Variants in GRIK1 observed in about 807,000 individuals in gnomAD.
GRIK1 encodes glutamate ionotropic receptor kainate type subunit 1.
In GRIK1, 69 loss-of-function variants were observed where a neutral mutation model predicts 105.7. That is an observed-to-expected ratio of 0.65 (90% CI 0.54 to 0.80). The LOEUF (loss-of-function observed/expected upper bound fraction) is 0.80. Among genes scored for constraint, GRIK1 ranks in the 30% least tolerant of loss-of-function variants. GRIK1 has a pLI of 0.00. For missense variants in GRIK1, 1,109 were observed against 1,167.3 expected (o/e 0.95, Z 0.73); for synonymous variants, 438 against 431.3 (o/e 1.02, Z -0.19).
At chr21:29,541,046 C>T (rs1428777437) in intron 16 of GRIK1, among the ~76,000 whole-genome samples, 2 of 150,672 alleles carry the variant, frequency 1.3e-5, no homozygotes, top group Non-Finnish European at 2.9e-5. Context: ...TGGCTCACTG[C>T]AACTTCTGTC....
At chr21:29,790,715 A>G (rs1333183014) in intron 1 of GRIK1, among the ~76,000 whole-genome samples, 1 of 152,182 alleles carries the variant, frequency 6.6e-6, no homozygotes, top group Non-Finnish European at 1.5e-5. Flanking sequence ...GGCCTCCCAG[A>G]GTGCTGGGAT....
At chr21:29,841,382 A>T (rs368153282) in intron 1 of GRIK1, among the ~76,000 whole-genome samples, 108 of 152,296 alleles carry the variant, frequency 7.1e-4, no homozygotes, top group African/African-American at 2.4e-3. Context: ...AGATTTTTGA[A>T]CACTTTATAA....
At chr21:29,686,094 ATGT>A (rs1461130774) in intron 3 of GRIK1, among the ~76,000 whole-genome samples, 1 of 152,128 alleles carries the variant, frequency 6.6e-6, no homozygotes, top group African/African-American at 2.4e-5. Context: ...ACATTTCCAC[ATGT>A]TGTTCATTCT....
chr21:29,581,855 T>G (rs1298683560), intron 12 of GRIK1, among the ~76,000 whole-genome samples: 1 of 152,152 alleles, frequency 6.6e-6, no homozygotes, highest in Non-Finnish European at 1.5e-5. Flanking sequence ...CTAGATGAAC[T>G]GTAAAGAAAG....
intron 1 of GRIK1, among the ~76,000 whole-genome samples, chr21:29,818,127 A>C (rs1287593918): frequency 6.6e-6 from 1 of 152,160 alleles, no homozygotes; most frequent in African/African-American, 2.4e-5. Context: ...GGAAAACCCT[A>C]TGTTGACTTT....
chr21:29,732,764 G>T (rs1266877051), intron 1 of GRIK1, among the ~76,000 whole-genome samples: 4 of 152,098 alleles, frequency 2.6e-5, no homozygotes. Context: ...TGCCTCACTC[G>T]ATTTTGGATG....
At chr21:29,883,571 G>A (rs1348379915) in intron 1 of GRIK1, among the ~76,000 whole-genome samples, 1 of 151,834 alleles carries the variant, frequency 6.6e-6, no homozygotes, top group Non-Finnish European at 1.5e-5. Flanking sequence ...AAATATAAAA[G>A]CTTATTAGAC....
At chr21:29,850,383 G>C (rs1347144941) in intron 1 of GRIK1, among the ~76,000 whole-genome samples, 2 of 151,938 alleles carry the variant, frequency 1.3e-5, no homozygotes, top group South Asian at 2.1e-4. Flanking sequence ...TGTGGCTCTG[G>C]GTGTTATCCA....
rs751820386 is a variant in GRIK1, at chr21:29,754,965, G to C, written c.119-60902C>G. Among the ~76,000 whole-genome samples the C allele has an allele frequency of 3.9e-5, 6 of 151,970 alleles. No homozygotes were observed. The Middle Eastern group carries it at 0.014, about 345-fold the overall frequency. On this transcript the variant is annotated intron_variant, in intron 1 of 17. Transcript: ENST00000327783. ...CTATCTATATATCTAAATCTATCTA[G>C]CTAGCTACCTAGCTAGCTATTATCT...
intron 4 of GRIK1, among the ~76,000 whole-genome samples, chr21:29,671,216 A>G (rs2063153483): frequency 1.3e-5 from 2 of 151,796 alleles, no homozygotes; most frequent in Admixed American, 6.6e-5. Flanking sequence ...TCCACCTCCC[A>G]GGTTCAAGTG....
At chr21:29,628,024 A>G (rs79787285) in intron 7 of GRIK1, among the ~76,000 whole-genome samples, 2,246 of 152,346 alleles carry the variant, frequency 0.015, 50 homozygotes, top group African/African-American at 0.05. Flanking sequence ...CTCACTCAGT[A>G]TCTATTGTAT....
chr21:29,568,639 T>TA (rs1370939162), intron 14 of GRIK1, among the ~76,000 whole-genome samples: 1 of 152,232 alleles, frequency 6.6e-6, no homozygotes, highest in Admixed American at 6.5e-5. Context: ...AGTGATTTGT[T>TA]ACAAGGCAAG....
chr21:29,553,676 C>G (rs753443350), intron 16 of GRIK1: 1 of 1,596,150 alleles, frequency 6.3e-7, no homozygotes, highest in East Asian at 2.2e-5. Context: ...GGTTTGCTTA[C>G]ATTGCAGTCC....
intron 3 of GRIK1, among the ~76,000 whole-genome samples, chr21:29,683,901 C>G (rs936662693): frequency 1.3e-5 from 2 of 152,228 alleles, no homozygotes; most frequent in Non-Finnish European, 2.9e-5. Flanking sequence ...TTTGCACTGG[C>G]TGTTCCCTCT....
At chr21:29,712,427 T>C (rs895286515) in intron 1 of GRIK1, among the ~76,000 whole-genome samples, 5 of 152,132 alleles carry the variant, frequency 3.3e-5, no homozygotes, top group Admixed American at 3.3e-4. Flanking sequence ...GAAGAATATG[T>C]TCCTTTTTAA....
chr21:29,682,746 C>G (rs189797495), intron 3 of GRIK1, among the ~76,000 whole-genome samples: 1 of 152,208 alleles, frequency 6.6e-6, no homozygotes, highest in Non-Finnish European at 1.5e-5. Context: ...ACTAAGTTCT[C>G]AAGAGAAATT....
chr21:29,713,873 C>A (rs373916088), intron 1 of GRIK1, among the ~76,000 whole-genome samples: 30 of 152,172 alleles, frequency 2.0e-4, no homozygotes, highest in African/African-American at 7.0e-4. Flanking sequence ...TGGTGTAGCA[C>A]CTCTTAATTT....
chr21:29,754,943 T>C (rs1010966541), intron 1 of GRIK1, among the ~76,000 whole-genome samples: 2 of 152,190 alleles, frequency 1.3e-5, no homozygotes, highest in Admixed American at 6.5e-5. Context: ...TTGTACTCTA[T>C]CTATATATCT....
At chr21:29,848,566 T>C (rs2068200420) in intron 1 of GRIK1, among the ~76,000 whole-genome samples, 2 of 152,036 alleles carry the variant, frequency 1.3e-5, no homozygotes, top group African/African-American at 4.8e-5. Context: ...GTCAAAATCT[T>C]ATTCATCCTT....
Sources: gnomAD v4.1 joint callset for allele counts (sites outside exome capture counted in the v4.1 genomes callset) on GRCh38, gnomAD v4.1.1 for gene constraint, MANE v1.5 for transcripts, NCBI Gene and HGNC (gene_info 2026-07-23, HGNC 2026-07-21) for gene names.